The following PKIB variants were observed in gnomAD, a reference collection of about 807,000 sequenced individuals.
The protein encoded by PKIB is PKI-beta.
In PKIB, 2 loss-of-function variants were observed where a neutral mutation model predicts 4.5. The observed-to-expected ratio is 0.44, with a 90% confidence interval of 0.18 to 1.39. The LOEUF is 1.39. Among genes scored for constraint, PKIB ranks in the 40% most tolerant of loss-of-function variants. The pLI is 0.27. For missense variants in PKIB, 94 were observed against 92.6 expected (o/e 1.02, Z -0.06); for synonymous variants, 38 against 36.0 (o/e 1.06, Z -0.20).
intron 2 of PKIB, among the ~76,000 whole-genome samples, chr6:122,518,890 C>G (rs1221617131): frequency 6.6e-6 from 1 of 152,166 alleles, no homozygotes; most frequent in Non-Finnish European, 1.5e-5. Context: ...CAGACGCAGA[C>G]TGAGCACCAC....
At chr6:122,660,225 T>C (rs1776931024) in intron 2 of PKIB, among the ~76,000 whole-genome samples, 2 of 152,112 alleles carry the variant, frequency 1.3e-5, no homozygotes, top group Admixed American at 1.3e-4. Flanking sequence ...TTGTGGACAA[T>C]ATGGTCAAGA....
chr6:122,500,748 A>T (rs1452965387), intron 2 of PKIB, among the ~76,000 whole-genome samples: 3 of 152,206 alleles, frequency 2.0e-5, no homozygotes, highest in Non-Finnish European at 2.9e-5. Context: ...AGACTAGGTA[A>T]TTCATGGAGA....
At chr6:122,485,719 G>A (rs2114526488) in intron 2 of PKIB, among the ~76,000 whole-genome samples, 2 of 152,352 alleles carry the variant, frequency 1.3e-5, no homozygotes, top group Middle Eastern at 3.4e-3. Context: ...CAGTGTTAAA[G>A]CGGAAGGATG....
intron 2 of PKIB, among the ~76,000 whole-genome samples, chr6:122,646,893 T>G (rs890034264): frequency 6.6e-6 from 1 of 152,172 alleles, no homozygotes; most frequent in Non-Finnish European, 1.5e-5. Flanking sequence ...GCTTTCCTTT[T>G]TTAATGGAAT....
At chr6:122,645,624 C>T (rs897531519) in intron 2 of PKIB, among the ~76,000 whole-genome samples, 1 of 152,072 alleles carries the variant, frequency 6.6e-6, no homozygotes, top group Admixed American at 6.6e-5. Context: ...GAGGCTGGGG[C>T]CTGAAATACA....
chr6:122,573,891 T>C (rs986698865), intron 2 of PKIB, among the ~76,000 whole-genome samples: 9 of 152,344 alleles, frequency 5.9e-5, no homozygotes, highest in African/African-American at 2.2e-4. Flanking sequence ...TCACCACTTC[T>C]GTGCAACATA....
At chr6:122,593,233 T>A (rs560573391) in intron 3 of PKIB, among the ~76,000 whole-genome samples, 1 of 152,380 alleles carries the variant, frequency 6.6e-6, no homozygotes, top group East Asian at 1.9e-4. Context: ...GCTTTTTAAC[T>A]TTCTTTATTT....
chr6:122,698,614 C>G (rs1778673877), intron 3 of PKIB, among the ~76,000 whole-genome samples: 1 of 152,108 alleles, frequency 6.6e-6, no homozygotes, highest in South Asian at 2.1e-4. Context: ...CCTAGAGACT[C>G]CAGGAGGCAT....
rs1307088352 is a variant in PKIB, at chr6:122,487,031, T to A, written c.-248+9092T>A. Among the ~76,000 whole-genome samples the A allele has an allele frequency of 2.6e-5, 4 of 152,194 alleles. No homozygotes were observed. In the East Asian group the frequency reaches 7.7e-4, roughly 29 times the overall value. Reference sequence around the variant, plus strand: ...ATGTAACTACATAAATATTTATTTCTTCAAATGTAAAAGCATTTTACTGCA... The same window carrying A: ...ATGTAACTACATAAATATTTATTTCATCAAATGTAAAAGCATTTTACTGCA... On this transcript the variant is annotated intron_variant, in intron 2 of 6. Transcript: ENST00000392491.
At position 122,473,919 on chromosome 6, in the gene PKIB, G is replaced by A. The variant is rs963788387; in HGVS notation, c.-337+1878G>A. Among the ~76,000 whole-genome samples the A allele has an allele frequency of 3.3e-5, 5 of 152,316 alleles. No individual in the cohort carries two copies. The East Asian group carries it at 9.6e-4, about 29-fold the overall frequency. On this transcript the variant is annotated intron_variant, in intron 1 of 6. Coordinates refer to the PKIB transcript ENST00000392491. The stretch of plus-strand genomic sequence containing the variant: ...TGGCTGAGGCGGGCAGATCACCTGA[G>A]GTCAGGAGTTCCAGACCAGCCTGGC...
At chr6:122,494,331 C>A (rs1285337091) in intron 2 of PKIB, among the ~76,000 whole-genome samples, 1 of 152,092 alleles carries the variant, frequency 6.6e-6, no homozygotes, top group African/African-American at 2.4e-5. Context: ...TCTATTTACC[C>A]TTTTCTAAAA....
chr6:122,643,506 G>A (rs1357773633), intron 2 of PKIB: 3 of 151,720 alleles, frequency 2.0e-5, no homozygotes, highest in East Asian at 1.9e-4. Flanking sequence ...TAAGTGATAC[G>A]TTACAAGTAA....
Position 122,604,257 on chromosome 6 carries a change from G to A in PKIB, c.-161+18250G>A, listed in dbSNP as rs531887810. Among the ~76,000 whole-genome samples, 16 of 152,272 alleles carry A rather than the reference G, an allele frequency of 1.1e-4. No individual in the cohort carries two copies. The South Asian group carries it at 1.5e-3, about 14-fold the overall frequency. On this transcript the variant is annotated intron_variant, in intron 3 of 6. Transcript: ENST00000392491. ...TTAAGGGCATGTCAAAAACTTAAGAGAATAATATTTTTCTTTTAAAATTGC... is the reference window on the plus strand; with the variant it reads ...TTAAGGGCATGTCAAAAACTTAAGAAAATAATATTTTTCTTTTAAAATTGC...
At chr6:122,496,030 T>C (rs2114547614) in intron 2 of PKIB, among the ~76,000 whole-genome samples, 1 of 152,162 alleles carries the variant, frequency 6.6e-6, no homozygotes, top group South Asian at 2.1e-4. Context: ...CCCAGCTGTG[T>C]CCCCCAACCC....
intron 2 of PKIB, among the ~76,000 whole-genome samples, chr6:122,668,803 A>G (rs923941050): frequency 1.3e-5 from 2 of 152,226 alleles, no homozygotes; most frequent in Admixed American, 6.5e-5. Flanking sequence ...GTTGGCTTCT[A>G]TGTTGCCAAC....
At chr6:122,649,908 A>C (rs1319107329) in intron 2 of PKIB, among the ~76,000 whole-genome samples, 3 of 152,308 alleles carry the variant, frequency 2.0e-5, no homozygotes, top group African/African-American at 4.8e-5. Context: ...TGGCACTTCA[A>C]GCACCATCAC....
intron 2 of PKIB, among the ~76,000 whole-genome samples, chr6:122,514,567 A>C (rs557441152): frequency 6.6e-6 from 1 of 152,222 alleles, no homozygotes; most frequent in Non-Finnish European, 1.5e-5. Context: ...ATGTTTAAAG[A>C]CAATACAAAA....
chr6:122,621,528 C>G (rs1227578368), intron 1 of PKIB, among the ~76,000 whole-genome samples: 1 of 152,156 alleles, frequency 6.6e-6, no homozygotes, highest in African/African-American at 2.4e-5. Flanking sequence ...GGAATGGTTT[C>G]TCTGTAGAGG....
chr6:122,663,364 A>G (rs1777087591), intron 2 of PKIB, among the ~76,000 whole-genome samples: 1 of 152,178 alleles, frequency 6.6e-6, no homozygotes, highest in Admixed American at 6.5e-5. Context: ...TTCCTGGATT[A>G]ACATAGTTTA....
Sources: allele counts gnomAD v4.1 joint callset (sites outside exome capture counted in the v4.1 genomes callset), GRCh38; gene constraint gnomAD v4.1.1; transcripts MANE v1.5; gene names NCBI Gene and HGNC (gene_info 2026-07-23, HGNC 2026-07-21).